The following KCNIP4 variants were observed in gnomAD, a reference collection of about 807,000 sequenced individuals.
KCNIP4 encodes the protein potassium voltage-gated channel interacting protein 4.
KCNIP4 carries 12 observed loss-of-function variants against 34.0 expected under a neutral mutation model. That is an observed-to-expected ratio of 0.35 (90% CI 0.23 to 0.57). KCNIP4 has a LOEUF of 0.57. Ranked by LOEUF, KCNIP4 falls within the 20% of genes least tolerant of loss-of-function variation. The pLI is 0.83. For synonymous variants in KCNIP4, 124 were observed against 102.2 expected (o/e 1.21, Z -1.29); for missense variants, 238 against 311.7 (o/e 0.76, Z 1.78).
chr4:21,226,586 AGTTTTTT>A (rs35847215), intron 1 of KCNIP4, among the ~76,000 whole-genome samples: 14,634 of 151,750 alleles, frequency 0.096, 2,243 homozygotes, highest in African/African-American at 0.33. Flanking sequence ...ATTTGCTACT[AGTTTTTT>A]AAGCACAATG....
chr4:21,458,280 G>T (rs1171200946), intron 1 of KCNIP4, among the ~76,000 whole-genome samples: 1 of 151,454 alleles, frequency 6.6e-6, no homozygotes, highest in Non-Finnish European at 1.5e-5. Flanking sequence ...TACTGAGAAT[G>T]ATGATTTCCA....
At chr4:21,477,993 A>T (rs539570142) in intron 1 of KCNIP4, among the ~76,000 whole-genome samples, 294 of 152,296 alleles carry the variant, frequency 1.9e-3, no homozygotes, top group Middle Eastern at 3.4e-3. Context: ...TCTTCAATGT[A>T]TCTAGCCTGT....
chr4:21,226,354 A>AAG (rs1758398619), intron 1 of KCNIP4, among the ~76,000 whole-genome samples: 13 of 135,906 alleles, frequency 9.6e-5, no homozygotes, highest in South Asian at 7.4e-4. Flanking sequence ...GAGAAGGAAG[A>AAG]GAAGGAAGGA....
chr4:21,573,864 T>C (rs1460595435), intron 1 of KCNIP4, among the ~76,000 whole-genome samples: 1 of 152,202 alleles, frequency 6.6e-6, no homozygotes, highest in Non-Finnish European at 1.5e-5. Flanking sequence ...TTGTTCCTGT[T>C]GGCTTATGTG....
At chr4:21,483,307 T>A (rs1424286891) in intron 1 of KCNIP4, among the ~76,000 whole-genome samples, 1 of 152,004 alleles carries the variant, frequency 6.6e-6, no homozygotes, top group East Asian at 1.9e-4. Flanking sequence ...AAATTAATAA[T>A]AAGAACTGAC....
At chr4:21,172,275 G>T (rs184501712) in intron 1 of KCNIP4, among the ~76,000 whole-genome samples, 1 of 152,018 alleles carries the variant, frequency 6.6e-6, no homozygotes, top group Non-Finnish European at 1.5e-5. Context: ...CAAGCAATCC[G>T]CCGGCCTTGA....
chr4:21,438,289 A>T (rs1727140414), intron 1 of KCNIP4, among the ~76,000 whole-genome samples: 1 of 152,188 alleles, frequency 6.6e-6, no homozygotes, highest in Admixed American at 6.5e-5. Flanking sequence ...TCTTAATGCG[A>T]TTTTTAAGCA....
At chr4:21,656,216 C>A (rs1477940256) in intron 1 of KCNIP4, among the ~76,000 whole-genome samples, 2 of 152,084 alleles carry the variant, frequency 1.3e-5, no homozygotes, top group African/African-American at 4.8e-5. Flanking sequence ...AAAGCAACAC[C>A]CCATATCTCT....
Position 20,752,099 on chromosome 4 carries a change from C to G in KCNIP4, c.359-2367G>C, listed in dbSNP as rs12647754. Among the ~76,000 whole-genome samples, 320 of 149,488 alleles carry G rather than the reference C, an allele frequency of 2.1e-3. 8 individuals are homozygous for G. The South Asian group carries it at 0.042, about 20-fold the overall frequency. On this transcript the variant is annotated intron_variant, in intron 4 of 8. Transcript: ENST00000382152. ...TTGAGACAAAGTACTGCTCTTGTCC[C>G]CCAGGCTGGAGTGCAATGGCACGAT...
At chr4:21,704,544 CA>C (rs1713118998) in intron 1 of KCNIP4, among the ~76,000 whole-genome samples, 1 of 151,832 alleles carries the variant, frequency 6.6e-6, no homozygotes. Flanking sequence ...AGAACATGAG[CA>C]AAAAACATGG....
chr4:21,187,347 C>G (rs1209519679), intron 1 of KCNIP4, among the ~76,000 whole-genome samples: 1 of 152,140 alleles, frequency 6.6e-6, no homozygotes, highest in African/African-American at 2.4e-5. Flanking sequence ...AATGAAATTT[C>G]TAATGGTAAC....
intron 1 of KCNIP4, among the ~76,000 whole-genome samples, chr4:21,825,570 GT>G (rs1310426171): frequency 6.6e-6 from 1 of 152,130 alleles, no homozygotes; most frequent in East Asian, 1.9e-4. Flanking sequence ...AAGATTGAAG[GT>G]AATGACATGA....
intron 1 of KCNIP4, among the ~76,000 whole-genome samples, chr4:21,219,993 G>A (rs1199337485): frequency 6.6e-6 from 1 of 152,150 alleles, no homozygotes; most frequent in African/African-American, 2.4e-5. Flanking sequence ...TTGAATTGGG[G>A]ATTTCTTCAA....
intron 1 of KCNIP4, among the ~76,000 whole-genome samples, chr4:20,923,027 T>C (rs1217036204): frequency 6.6e-6 from 1 of 152,118 alleles, no homozygotes; most frequent in Admixed American, 6.6e-5. Flanking sequence ...CTTTGGATTA[T>C]GAACTTCCTC....
intron 1 of KCNIP4, among the ~76,000 whole-genome samples, chr4:20,944,544 G>T (rs991415891): frequency 6.6e-6 from 1 of 152,318 alleles, no homozygotes; most frequent in South Asian, 2.1e-4. Context: ...CTCTTTGTCA[G>T]CCAGATGGGT....
At chr4:20,875,305 A>G (rs1723896586) in intron 2 of KCNIP4, among the ~76,000 whole-genome samples, 1 of 152,084 alleles carries the variant, frequency 6.6e-6, no homozygotes, top group African/African-American at 2.4e-5. Flanking sequence ...CTCTTCCCCT[A>G]CTCCCATGCC....
At chr4:20,841,113 T>G (rs1000919948) in intron 3 of KCNIP4, among the ~76,000 whole-genome samples, 2 of 152,152 alleles carry the variant, frequency 1.3e-5, no homozygotes, top group African/African-American at 4.8e-5. Context: ...CTCCCCCTAT[T>G]ATTAGATTAT....
rs527423827 is a variant in KCNIP4 at position 21,917,522 on chromosome 4, A to T, written c.61+31049T>A. ...ACTATCAATGCCATTTTTCAAATGA[A>T]AACAAAACAAAAAAGGCTTAGAGAA... On this transcript the variant is annotated intron_variant, in intron 1 of 8. Transcript: ENST00000382152. 5.9e-5 allele frequency among the ~76,000 whole-genome samples: 9 copies of T among 152,310 alleles called. No homozygotes were observed. The East Asian group carries it at 1.7e-3, about 29-fold the overall frequency.
intron 1 of KCNIP4, among the ~76,000 whole-genome samples, chr4:21,005,871 T>G (rs775861928): frequency 2.5e-4 from 38 of 152,158 alleles, no homozygotes; most frequent in South Asian, 4.1e-4. Context: ...GCAATTATTT[T>G]TATCCTAAAA....
Sources: gnomAD v4.1 joint callset for allele counts (sites outside exome capture counted in the v4.1 genomes callset) on GRCh38, gnomAD v4.1.1 for gene constraint, MANE v1.5 for transcripts, NCBI Gene and HGNC (gene_info 2026-07-23, HGNC 2026-07-21) for gene names.